POLR2F: variants seen among roughly 807,000 people sequenced by gnomAD.
POLR2F encodes the protein DNA-directed RNA polymerases I, II, and III subunit RPABC2.
In POLR2F, 12 loss-of-function variants were observed where a neutral mutation model predicts 22.7. The observed-to-expected ratio is 0.53, with a 90% CI of 0.34 to 0.86. The LOEUF (loss-of-function observed/expected upper bound fraction) is 0.86. Ranked by LOEUF, POLR2F falls within the 40% of genes least tolerant of loss-of-function variation. The pLI is 0.02. For missense variants in POLR2F, 126 were observed against 171.5 expected (o/e 0.73, Z 1.48); for synonymous variants, 57 against 66.0 (o/e 0.86, Z 0.66).
intron 5 of POLR2F, among the ~76,000 whole-genome samples, chr22:38,035,523 C>T (rs774472116): frequency 6.6e-6 from 1 of 152,190 alleles, no homozygotes; most frequent in Non-Finnish European, 1.5e-5. Flanking sequence ...TGCAATCCCT[C>T]GGTCTATCCT....
downstream of POLR2F, chr22:37,972,287 G>A (rs1436225192): frequency 7.8e-7 from 1 of 1,286,472 alleles, no homozygotes; most frequent in Non-Finnish European, 1.0e-6. Context: ...TGAAGAGACA[G>A]GCCAGGTCAG....
chr22:37,987,082 T>C, intron 1 of POLR2F: 1 of 456,700 alleles, frequency 2.2e-6, no homozygotes. Context: ...CTCTCTGTCC[T>C]GAAGTGAGGG....
intron 1 of POLR2F, among the ~76,000 whole-genome samples, chr22:38,010,600 G>GTTTTTT (rs2084862549): frequency 9.7e-6 from 1 of 103,546 alleles, no homozygotes; most frequent in African/African-American, 4.2e-5. Flanking sequence ...ATAATTCCTT[G>GTTTTTT]TGTTTTTTTT....
In POLR2F at chr22:37,988,653, A is replaced by G. The variant is rs1010000302; in HGVS notation, c.120+2341A>G. On this transcript the variant is annotated intron_variant, in intron 1 of 2. Coordinates refer to the POLR2F transcript ENST00000333418. Reference sequence around the variant, plus strand: ...GTGACAGAGTAAGACTCTGTCTCATAAAAACAAACAACAACAACAACAAAA... The same window carrying G: ...GTGACAGAGTAAGACTCTGTCTCATGAAAACAAACAACAACAACAACAAAA... The G allele has an allele frequency of 2.6e-5, 4 of 154,302 alleles. No homozygotes were observed. The Admixed American group carries it at 2.6e-4, about 10-fold the overall frequency. The allele number at this position is 154,302 out of a possible 1,614,324, so 9.6% of individuals were successfully genotyped here. A position where few individuals can be genotyped will look rare whatever the true frequency, so the allele number is the denominator to read the frequency against.
chr22:38,013,629 G>A (rs889243566), intron 1 of POLR2F, among the ~76,000 whole-genome samples: 2 of 152,084 alleles, frequency 1.3e-5, no homozygotes, highest in East Asian at 3.8e-4. Context: ...GTCTTTAGCT[G>A]TACAGTATCT....
intron 1 of POLR2F, among the ~76,000 whole-genome samples, chr22:37,996,279 C>G (rs567810875): frequency 1.9e-4 from 29 of 152,320 alleles, no homozygotes; most frequent in Non-Finnish European, 3.7e-4. Context: ...CCCAGGGGAC[C>G]CAGCCCTGAG....
chr22:37,966,270 A>G (rs1025877246), intron 3 of POLR2F, among the ~76,000 whole-genome samples: 6 of 152,126 alleles, frequency 3.9e-5, no homozygotes, highest in Non-Finnish European at 5.9e-5. Context: ...ATAGTTTGGT[A>G]TGGCTGGAAT....
chr22:37,964,928 G>C (rs948980529), intron 3 of POLR2F, among the ~76,000 whole-genome samples: 5 of 151,966 alleles, frequency 3.3e-5, no homozygotes, highest in Admixed American at 6.6e-5. Context: ...CCAGTCTTTA[G>C]TGCTCTTTCC....
At chr22:38,028,416 C>T (rs1451656126), downstream of POLR2F, among the ~76,000 whole-genome samples, 1 of 152,118 alleles carries the variant, frequency 6.6e-6, no homozygotes, top group Non-Finnish European at 1.5e-5. Context: ...ACTCCCTGTG[C>T]TCCAAATGTC....
rs1286394676 is a variant in POLR2F, at chr22:37,978,330, C to G, written c.293+11160C>G. Reference sequence around the variant, plus strand: ...GAGAGATGTGAGGCCCAAGGAATAACAGCCTCAGAGGGCTGCCCCCAAATC... The same window carrying G: ...GAGAGATGTGAGGCCCAAGGAATAAGAGCCTCAGAGGGCTGCCCCCAAATC... On this transcript the variant is annotated intron_variant, in intron 4 of 4. Transcript: ENST00000405557. This position sits in a 1 kb window ranked among gnomAD's most constrained non-coding sequence, Gnocchi z 5.0. Among the ~76,000 whole-genome samples, 1 of 152,238 alleles carries G rather than the reference C, an allele frequency of 6.6e-6. No homozygotes were observed. Among genetic ancestry groups the G allele is most frequent in the Non-Finnish European group, 1.5e-5 (1 of 68,036 alleles).
intron 1 of POLR2F, among the ~76,000 whole-genome samples, chr22:38,015,293 G>A (rs1177569696): frequency 6.6e-6 from 1 of 152,220 alleles, no homozygotes; most frequent in Non-Finnish European, 1.5e-5. Context: ...TGAGGTGGTG[G>A]GGATGGTTTG....
rs1932285141 is a variant in POLR2F, at chr22:37,978,236, G to A, written c.293+11066G>A. The A allele has an allele frequency of 7.6e-7, 1 of 1,309,348 alleles. No homozygotes were observed. Among genetic ancestry groups the A allele is most frequent in the South Asian group, 1.6e-5 (1 of 64,312 alleles). 81.1% of individuals were successfully genotyped at this position (1,309,348 alleles called of 1,614,324 possible). A position where few individuals can be genotyped will look rare whatever the true frequency, so the allele number is the denominator to read the frequency against. ...TCTGAGTGTCCATCTTGGAAGATGT[G>A]AGGCCCTGGGATGGGGCACCCAGAG... is the stretch of plus-strand genomic sequence containing the variant. On this transcript the variant is annotated intron_variant, in intron 4 of 4. Transcript: ENST00000405557. The surrounding 1 kb of genome is among the most constrained non-coding windows in gnomAD (Gnocchi z 5.0).
chr22:37,999,394 C>A (rs1601898940), intron 1 of POLR2F, among the ~76,000 whole-genome samples: 1 of 152,122 alleles, frequency 6.6e-6, no homozygotes, highest in Admixed American at 6.5e-5. Flanking sequence ...TCAGCTCAGG[C>A]CCCTGTGGCA....
At chr22:37,984,472 T>G (rs1932509980), upstream of POLR2F, 1 of 152,840 alleles carries the variant, frequency 6.5e-6, no homozygotes, top group South Asian at 2.1e-4. This position sits in a 1 kb window ranked among gnomAD's most constrained non-coding sequence, Gnocchi z 4.4. Context: ...GCCCTGAGCC[T>G]CAGGCCACGG....
At chr22:37,960,204 C>T (rs957073379) in intron 3 of POLR2F, among the ~76,000 whole-genome samples, 3 of 151,844 alleles carry the variant, frequency 2.0e-5, no homozygotes, top group Non-Finnish European at 4.4e-5. Flanking sequence ...GCCTCAAACT[C>T]CTGGGCTCAA....
intron 1 of POLR2F, among the ~76,000 whole-genome samples, chr22:38,009,510 C>G (rs1355219416): frequency 6.6e-6 from 1 of 152,154 alleles, no homozygotes; most frequent in Non-Finnish European, 1.5e-5. Context: ...TTGACAGCTT[C>G]TCTTAGGTAC....
intron 1 of POLR2F, 77 bp downstream of exon 1, chr22:37,953,884 G>A (rs759087722): frequency 9.8e-6 from 15 of 1,523,418 alleles, no homozygotes; most frequent in African/African-American, 5.4e-5. Context: ...CGGCTGAGGA[G>A]CCTGGCGTCT....
intron 5 of POLR2F, chr22:38,040,909 G>A: frequency 2.7e-6 from 3 of 1,128,850 alleles, no homozygotes; most frequent in South Asian, 2.8e-5. Context: ...TGGGGGCAAG[G>A]ACCCTGGACA....
intron 2 of POLR2F, among the ~76,000 whole-genome samples, chr22:37,957,410 T>G (rs529296579): frequency 1.3e-5 from 2 of 152,204 alleles, no homozygotes; most frequent in East Asian, 3.9e-4. Context: ...AAGAGTTATT[T>G]CGGTGGGTTG....
Sources: allele counts gnomAD v4.1 joint callset (sites outside exome capture counted in the v4.1 genomes callset), GRCh38; gene constraint gnomAD v4.1.1; non-coding constraint Gnocchi (gnomAD v3.1); transcripts MANE v1.5; gene names NCBI Gene and HGNC (gene_info 2026-07-23, HGNC 2026-07-21).